The following RCBTB2 variants were observed in gnomAD, a reference collection of about 807,000 sequenced individuals.
RCBTB2 encodes the protein RCC1 and BTB domain-containing protein 2.
In RCBTB2, 55 loss-of-function variants were observed where a neutral mutation model predicts 65.4. The ratio of observed to expected loss-of-function variants is 0.84; its 90% CI spans 0.68 to 1.05. The LOEUF (loss-of-function observed/expected upper bound fraction) is 1.05, where lower values mean the gene tolerates loss of function less well. RCBTB2 is among the 50% of genes least tolerant of loss of function. RCBTB2 has a pLI of 0.00. For synonymous variants in RCBTB2, 220 were observed against 255.2 expected, an observed-to-expected ratio of 0.86 and a Z score of 1.31; for missense variants, 599 against 680.1, an observed-to-expected ratio of 0.88 and a Z score of 1.33.
intron 13 of RCBTB2, among the ~76,000 whole-genome samples, chr13:48,499,101 C>T (rs1385712496): frequency 6.7e-6 from 1 of 150,130 alleles, no homozygotes; most frequent in Admixed American, 6.6e-5. Context: ...TCTCTCCCGA[C>T]CCCCACCCCA....
chr13:48,533,050 T>C lies in RCBTB2; in HGVS notation c.-241A>G. ...TACCTCCTCGCAGGCCGGAGCCTTG[T>C]CCGCTCCGCCTCCTGGGTAGCGGTT... On this transcript the variant is annotated 5_prime_UTR_variant, in exon 1 of 15. Transcript: ENST00000344532. 2.2e-6 allele frequency: 1 copy of C among 454,678 alleles called. No homozygotes were observed. Among genetic ancestry groups the C allele is most frequent in the Non-Finnish European group, 4.4e-6 (1 of 226,174 alleles). 28.2% of individuals were successfully genotyped at this position (454,678 alleles called of 1,614,324 possible).
At chr13:48,512,221 T>C in intron 7 of RCBTB2, 47 bp from the exon 8 acceptor site, 3 of 1,530,804 alleles carry the variant, frequency 2.0e-6, no homozygotes, top group Non-Finnish European at 2.7e-6. Flanking sequence ...ATTTATAAAC[T>C]GTCTCAACTG....
intron 12 of RCBTB2, among the ~76,000 whole-genome samples, chr13:48,500,150 G>A (rs1278835936): frequency 6.6e-6 from 1 of 152,162 alleles, no homozygotes; most frequent in Non-Finnish European, 1.5e-5. Flanking sequence ...AAGTCCTAAT[G>A]GCCAATACCT....
At chr13:48,509,470 C>T (rs1169490626) in intron 10 of RCBTB2, among the ~76,000 whole-genome samples, 16 of 152,046 alleles carry the variant, frequency 1.1e-4, no homozygotes, top group Admixed American at 1.0e-3. Flanking sequence ...TATTCAAAGC[C>T]TCAGGACTGT....
At position 48,502,809 on chromosome 13, in the gene RCBTB2, G is replaced by A. The variant is rs1356575283; in HGVS notation, c.1032C>T (p.Leu344=). 3.1e-6 allele frequency: 5 copies of A among 1,614,080 alleles called. No individual in the cohort carries two copies. Among genetic ancestry groups the A allele is most frequent in the Non-Finnish European group, 4.2e-6 (5 of 1,180,028 alleles). Residue 344 remains leucine, a synonymous_variant, in exon 11 of 15, where the codon CTC becomes CTT. Transcript: ENST00000344532. The stretch of plus-strand genomic sequence containing the variant: ...TGCAGGAGAAGTGGGTGAGGTGCGG[G>A]AGGATCACGGACTGACCCCGGCACT... ...WGQCRGQSVI[L]PHLTHFSCTD...
chr13:48,504,864 G>C (rs920240498), intron 10 of RCBTB2, among the ~76,000 whole-genome samples: 1 of 152,096 alleles, frequency 6.6e-6, no homozygotes, highest in Non-Finnish European at 1.5e-5. Context: ...CCTGGAGCTT[G>C]TACCGGCTCG....
In RCBTB2 at chr13:48,489,307, A is replaced by G. The variant is rs540678959; in HGVS notation, c.*804T>C. The G allele has an allele frequency of 6.6e-6, 1 of 152,354 alleles. No individual in the cohort carries two copies. Among genetic ancestry groups the G allele is most frequent in the Non-Finnish European group, 1.5e-5 (1 of 68,024 alleles). The allele number at this position is 152,354 out of a possible 1,614,324, so 9.4% of individuals were successfully genotyped here. On this transcript the variant is annotated 3_prime_UTR_variant, in exon 15 of 15. Coordinates refer to ENST00000344532, the MANE Select transcript of RCBTB2 (RefSeq NM_001268.4). ...GAAAAGCACATTGTCATTTTCATTT[A>G]CAGAGGCAAGTCCCTCTTAACACAA...
rs1298335506 is a variant in RCBTB2 at position 48,533,044 on chromosome 13, G to T, written c.-235C>A. On this transcript the variant is annotated 5_prime_UTR_variant, in exon 1 of 15. Coordinates refer to ENST00000344532, the MANE Select transcript of RCBTB2 (RefSeq NM_001268.4). The stretch of plus-strand genomic sequence containing the variant: ...CCCTCTTACCTCCTCGCAGGCCGGA[G>T]CCTTGTCCGCTCCGCCTCCTGGGTA... 2.2e-6 allele frequency: 1 copy of T among 454,724 alleles called. No homozygotes were observed. Among genetic ancestry groups the T allele is most frequent in the Non-Finnish European group, 4.4e-6 (1 of 226,176 alleles). The allele number at this position is 454,724 out of a possible 1,614,324, so 28.2% of individuals were successfully genotyped here. A position where few individuals can be genotyped will look rare whatever the true frequency, so the allele number is the denominator to read the frequency against.
At chr13:48,532,928 G>A (rs901624743) in intron 1 of RCBTB2, 100 bp downstream of exon 1, 2 of 450,524 alleles carry the variant, frequency 4.4e-6, no homozygotes, top group African/African-American at 4.0e-5. Context: ...TCGGGCCGCA[G>A]GGGCGGGGAG....
At chr13:48,525,386 A>ATATATATATATATATATAT (rs1951661311) in intron 1 of RCBTB2, among the ~76,000 whole-genome samples, 1 of 98,210 alleles carries the variant, frequency 1.0e-5, no homozygotes, top group Non-Finnish European at 1.9e-5. Flanking sequence ...ATATATATAT[A>ATATATATATATATATATAT]TATATATATA....
chr13:48,522,264 T>A, intron 3 of RCBTB2, 44 bp downstream of exon 3: 1 of 1,247,510 alleles, frequency 8.0e-7, no homozygotes, highest in Non-Finnish European at 1.1e-6. Context: ...AAAATTTTCA[T>A]TTCAGAGTTG....
rs565818978 is a variant in RCBTB2, at chr13:48,489,967, C to T, written c.*144G>A. On this transcript the variant is annotated 3_prime_UTR_variant, in exon 15 of 15. Coordinates refer to ENST00000344532, the MANE Select transcript of RCBTB2 (RefSeq NM_001268.4). ...ACTCTGGGTTTAGGCAGACAAAGAC[C>T]ACTCACCACCATCCTTCTTCTGACA... 8.1e-6 allele frequency: 7 copies of T among 863,872 alleles called. No individual in the cohort carries two copies. The highest frequency in any genetic ancestry group is 1.3e-5 in the Non-Finnish European group (7 of 536,162). 53.5% of individuals were successfully genotyped at this position (863,872 alleles called of 1,614,324 possible). A position where few individuals can be genotyped will look rare whatever the true frequency, so the allele number is the denominator to read the frequency against.
Position 48,522,389 on chromosome 13 carries a change from A to C in RCBTB2, c.-105T>G. 1.4e-6 allele frequency: 2 copies of C among 1,423,002 alleles called. No individual in the cohort carries two copies. Among genetic ancestry groups the C allele is most frequent in the Non-Finnish European group, 1.9e-6 (2 of 1,048,228 alleles). 88.1% of individuals were successfully genotyped at this position (1,423,002 alleles called of 1,614,324 possible). A position where few individuals can be genotyped will look rare whatever the true frequency, so the allele number is the denominator to read the frequency against. On this transcript the variant is annotated 5_prime_UTR_variant, in exon 3 of 15. Coordinates refer to ENST00000344532, the MANE Select transcript of RCBTB2 (RefSeq NM_001268.4). ...TCAATTCTCAGCTCCACAGAAGAAT[A>C]TATGATTTGCTAAGCTGGAAAAAAA... is the stretch of plus-strand genomic sequence containing the variant.
At chr13:48,529,408 C>T (rs1463023555) in intron 1 of RCBTB2, among the ~76,000 whole-genome samples, 3 of 152,132 alleles carry the variant, frequency 2.0e-5, no homozygotes, top group Non-Finnish European at 2.9e-5. Flanking sequence ...TACATACACG[C>T]AGCATAATAC....
intron 12 of RCBTB2, 92 bp from the exon 13 acceptor site, chr13:48,499,852 C>G (rs1950154091): frequency 7.0e-7 from 1 of 1,420,626 alleles, no homozygotes; most frequent in Admixed American, 1.9e-5. Flanking sequence ...AAGGTGCACG[C>G]TGGCACGTCC....
At chr13:48,522,796 G>A (rs1042496986) in intron 2 of RCBTB2, among the ~76,000 whole-genome samples, 1 of 152,108 alleles carries the variant, frequency 6.6e-6, no homozygotes, top group Non-Finnish European at 1.5e-5. Flanking sequence ...ATTATTTCAG[G>A]TACTAACATC....
At chr13:48,490,974 A>G (rs932734934) in intron 14 of RCBTB2, among the ~76,000 whole-genome samples, 1 of 152,188 alleles carries the variant, frequency 6.6e-6, no homozygotes, top group Non-Finnish European at 1.5e-5. Flanking sequence ...GAAAATCAGA[A>G]TGAGGCTGAC....
At chr13:48,504,474 A>C (rs1228677856) in intron 10 of RCBTB2, 1 of 386,070 alleles carries the variant, frequency 2.6e-6, no homozygotes, top group African/African-American at 2.2e-5. Context: ...TCTGCCTTAC[A>C]AACCCTACCC....
At chr13:48,501,911 T>G in intron 11 of RCBTB2, 43 bp from the exon 12 acceptor site, 1 of 1,595,856 alleles carries the variant, frequency 6.3e-7, no homozygotes. Context: ...GCTACAGACA[T>G]AATGAACACA....
Sources: gnomAD v4.1 joint callset for allele counts (sites outside exome capture counted in the v4.1 genomes callset) on GRCh38, gnomAD v4.1.1 for gene constraint, MANE v1.5 for transcripts, NCBI Gene and HGNC (gene_info 2026-07-23, HGNC 2026-07-21) for gene names.